CACNA1E: variants seen among roughly 807,000 people sequenced by gnomAD.
CACNA1E encodes the protein voltage-dependent R-type calcium channel subunit alpha-1E.
CACNA1E carries 40 observed loss-of-function variants against 259.2 expected under a neutral mutation model. The ratio of observed to expected loss-of-function variants is 0.15; its 90% CI spans 0.12 to 0.20. The LOEUF (loss-of-function observed/expected upper bound fraction) is 0.20, where lower values mean the gene tolerates loss of function less well. Among genes scored for constraint, CACNA1E ranks in the 10% least tolerant of loss-of-function variants. CACNA1E has a pLI of 1.00. For missense variants in CACNA1E, 1,874 were observed against 3,040.1 expected, an observed-to-expected ratio of 0.62 and a Z score of 9.02; for synonymous variants, 1,104 against 1,138.5, an observed-to-expected ratio of 0.97 and a Z score of 0.61.
intron 2 of CACNA1E, among the ~76,000 whole-genome samples, chr1:181,417,831 C>T (rs1212494786): frequency 6.6e-6 from 1 of 152,236 alleles, no homozygotes; most frequent in African/African-American, 2.4e-5. Context: ...ATCCACTGCA[C>T]TGACCGCCTG....
rs564195613 is a variant in CACNA1E, at chr1:181,497,974, C to A, written c.267-12503C>A. 4.6e-3 allele frequency among the ~76,000 whole-genome samples: 703 copies of A among 152,310 alleles called. 7 individuals are homozygous for A. The highest frequency in any genetic ancestry group is 0.016 in the African/African-American group (678 of 41,554). Reference sequence around the variant, plus strand: ...AGATCTTTGCTATTTTGTCTTTCCCCCGCCAAAACTCCACTGCTGCAGTTC... The same window carrying A: ...AGATCTTTGCTATTTTGTCTTTCCCACGCCAAAACTCCACTGCTGCAGTTC... On this transcript the variant is annotated intron_variant, in intron 1 of 47. Coordinates refer to ENST00000367573, the MANE Select transcript of CACNA1E (RefSeq NM_001205293.3).
intron 1 of CACNA1E, among the ~76,000 whole-genome samples, chr1:181,380,022 TA>T (rs1362842912): frequency 6.8e-6 from 1 of 147,934 alleles, no homozygotes; most frequent in Non-Finnish European, 1.5e-5. Context: ...AATATATATT[TA>T]AATATAATAT....
rs147314726 is a variant in CACNA1E at position 181,509,645 on chromosome 1, A to G, written c.267-832A>G. Among the ~76,000 whole-genome samples the G allele has an allele frequency of 1.1e-3, 165 of 152,282 alleles. 2 individuals are homozygous for G. The highest frequency in any genetic ancestry group is 3.4e-3 in the African/African-American group (143 of 41,556). On this transcript the variant is annotated intron_variant, in intron 1 of 47. Coordinates refer to ENST00000367573, the MANE Select transcript of CACNA1E (RefSeq NM_001205293.3). ...CCCACCTCCCTCGGAGCATGTGGCAAAACCTTCCTGCAGGGGTCATAGTCC... is the reference window on the plus strand; with the variant it reads ...CCCACCTCCCTCGGAGCATGTGGCAGAACCTTCCTGCAGGGGTCATAGTCC...
rs150855169 is a variant in CACNA1E, at chr1:181,587,082, A to T, written c.951+6306A>T. Among the ~76,000 whole-genome samples the T allele has an allele frequency of 1.9e-3, 293 of 152,246 alleles. 2 individuals are homozygous for T. The highest frequency in any genetic ancestry group is 6.7e-3 in the African/African-American group (279 of 41,536). On this transcript the variant is annotated intron_variant, in intron 6 of 47. Transcript: ENST00000367573. ...CTAATCATCCATTCATAGTACTAGG[A>T]GTAGAGGAAGAACAAGTGGCTGCAA...
intron 6 of CACNA1E, among the ~76,000 whole-genome samples, chr1:181,616,588 C>T (rs1429122596): frequency 6.6e-6 from 1 of 152,088 alleles, no homozygotes; most frequent in Non-Finnish European, 1.5e-5. Flanking sequence ...GTGGTGCACA[C>T]CCGTAGTCCC....
At chr1:181,726,021 C>A in intron 17 of CACNA1E, 44 bp from the exon 18 acceptor site, 1 of 1,422,512 alleles carries the variant, frequency 7.0e-7, no homozygotes, top group South Asian at 1.2e-5. Flanking sequence ...AGCTACTCTC[C>A]TTCCTGGGGA....
At chr1:181,426,150 G>C (rs141902749) in intron 2 of CACNA1E, among the ~76,000 whole-genome samples, 2 of 151,908 alleles carry the variant, frequency 1.3e-5, no homozygotes, top group African/African-American at 2.4e-5. Flanking sequence ...GTGCACTGGG[G>C]TCAGGTGGTC....
intron 3 of CACNA1E, among the ~76,000 whole-genome samples, chr1:181,537,360 A>G (rs1668257722): frequency 6.6e-6 from 1 of 151,974 alleles, no homozygotes; most frequent in South Asian, 2.1e-4. Context: ...TGGCCTCCCA[A>G]AGTGCTGGGA....
intron 25 of CACNA1E, among the ~76,000 whole-genome samples, chr1:181,745,764 C>G (rs1412205223): frequency 6.6e-6 from 1 of 152,104 alleles, no homozygotes; most frequent in Non-Finnish European, 1.5e-5. Flanking sequence ...TTAGAAAGAT[C>G]AGCAGATGAG....
At chr1:181,424,183 A>G (rs924620892) in intron 2 of CACNA1E, among the ~76,000 whole-genome samples, 1 of 152,258 alleles carries the variant, frequency 6.6e-6, no homozygotes, top group African/African-American at 2.4e-5. Context: ...CCACCAGCCA[A>G]GAAGAGACCG....
At chr1:181,773,241 C>T (rs1659681147) in intron 37 of CACNA1E, among the ~76,000 whole-genome samples, 1 of 152,174 alleles carries the variant, frequency 6.6e-6, no homozygotes, top group Non-Finnish European at 1.5e-5. Flanking sequence ...ACAGAAAGAC[C>T]ATTAAGTGTT....
intron 3 of CACNA1E, among the ~76,000 whole-genome samples, chr1:181,535,738 A>AG (rs1668121981): frequency 6.8e-6 from 1 of 146,378 alleles, no homozygotes; most frequent in African/African-American, 2.5e-5. Context: ...CCCAGGCTGG[A>AG]GTGCAACAGT....
rs1378877596 is a variant in CACNA1E, at chr1:181,736,388, G to T, written c.3376G>T (p.Ala1126Ser). The change falls in exon 22 of 48, where the codon GCC becomes TCC. Residue 1126 changes from alanine to serine, a missense_variant. Physicochemically the swap from Ala to Ser is moderately conservative, Grantham distance 99 (BLOSUM62 1). Transcript: ENST00000367573. ...QKKEKRETGKAMVPHSSMFIF... is the reference protein window; with the variant it reads ...QKKEKRETGKSMVPHSSMFIF... The stretch of plus-strand genomic sequence containing the variant: ...GAAGGAGAAGCGTGAGACAGGCAAA[G>T]CCATGGTGCCCCACAGCTCAATGTT... 5 of 1,612,516 alleles carry T rather than the reference G, an allele frequency of 3.1e-6. No homozygotes were observed. Among genetic ancestry groups the T allele is most frequent in the African/African-American group, 1.3e-5 (1 of 74,912 alleles).
chr1:181,723,137 G>T (rs1018039403), intron 16 of CACNA1E, among the ~76,000 whole-genome samples: 1 of 152,122 alleles, frequency 6.6e-6, no homozygotes, highest in East Asian at 1.9e-4. Context: ...AACCCTTCAG[G>T]ACCCTCACAA....
intron 1 of CACNA1E, among the ~76,000 whole-genome samples, chr1:181,398,514 A>G (rs1282326509): frequency 6.6e-6 from 1 of 152,220 alleles, no homozygotes; most frequent in Non-Finnish European, 1.5e-5. Context: ...TTGCTCAAGG[A>G]TATTAAGCCA....
At chr1:181,469,327 G>A (rs560419289) in intron 2 of CACNA1E, among the ~76,000 whole-genome samples, 3 of 152,310 alleles carry the variant, frequency 2.0e-5, no homozygotes, top group South Asian at 4.1e-4. Context: ...CTTGGGGAAT[G>A]CTTGTTGTGG....
In CACNA1E at chr1:181,517,434, T is replaced by A. The variant is rs544445285; in HGVS notation, c.512+5924T>A. 2.6e-3 allele frequency among the ~76,000 whole-genome samples: 396 copies of A among 152,252 alleles called. 1 individual carries two copies. Among genetic ancestry groups the A allele is most frequent in the Non-Finnish European group, 4.7e-3 (322 of 67,998 alleles). On this transcript the variant is annotated intron_variant, in intron 3 of 47. Coordinates refer to ENST00000367573, the MANE Select transcript of CACNA1E (RefSeq NM_001205293.3). ...GGCAGTGGGGAGCCACGGAAGGCTT[T>A]GAGCAGGGGGTTCACTATTTCACTG...
chr1:181,624,544 A>G (rs944338429), intron 6 of CACNA1E, among the ~76,000 whole-genome samples: 4 of 152,226 alleles, frequency 2.6e-5, no homozygotes. Context: ...TTTCATCTCA[A>G]AAAGTAAAAA....
chr1:181,796,582 G>T, intron 46 of CACNA1E, 86 bp from the exon 47 acceptor site: 2 of 1,022,476 alleles, frequency 2.0e-6, no homozygotes. Context: ...CCCAGGCTGT[G>T]ATGTGATACT....
Sources: gnomAD v4.1 joint callset for allele counts (sites outside exome capture counted in the v4.1 genomes callset) on GRCh38, gnomAD v4.1.1 for gene constraint, MANE v1.5 for transcripts, NCBI Gene and HGNC (gene_info 2026-07-23, HGNC 2026-07-21) for gene names.